PDGFD: variants seen among roughly 807,000 people sequenced by gnomAD.
PDGFD encodes the protein platelet-derived growth factor D.
Under a neutral mutation model 44.7 loss-of-function variants are expected in PDGFD, and 30 were observed. The observed-to-expected ratio is 0.67, with a 90% CI of 0.50 to 0.91. The LOEUF is 0.91. PDGFD is among the 40% of genes least tolerant of loss of function. The pLI, the probability that PDGFD is intolerant of heterozygous loss-of-function variation, is 0.00. For missense variants in PDGFD, 445 were observed against 457.8 expected, an observed-to-expected ratio of 0.97 and a Z score of 0.25; for synonymous variants, 173 against 168.4, an observed-to-expected ratio of 1.03 and a Z score of -0.21.
At chr11:104,095,427 A>G (rs1052166239) in intron 1 of PDGFD, among the ~76,000 whole-genome samples, 4 of 152,080 alleles carry the variant, frequency 2.6e-5, no homozygotes, top group African/African-American at 9.7e-5. Context: ...TCTCAACCCT[A>G]ATCTGGGTTC....
chr11:103,970,598 G>C (rs1222267954), intron 3 of PDGFD, among the ~76,000 whole-genome samples: 3 of 152,060 alleles, frequency 2.0e-5, no homozygotes, highest in Non-Finnish European at 4.4e-5. Context: ...TTAAGAGGCT[G>C]GGAAAATGAC....
In PDGFD at chr11:104,038,550, G is replaced by A. The variant is rs181656594; in HGVS notation, c.125-38295C>T. ...AACTAATACTTATACATGTCTGTTT[G>A]GGGCAGCATAAAGACCAATTTCCTC... On this transcript the variant is annotated intron_variant, in intron 1 of 6. Transcript: ENST00000393158. 3.7e-3 allele frequency: 625 copies of A among 168,030 alleles called. 4 individuals carry two copies. The highest frequency in any genetic ancestry group is 6.3e-3 in the Non-Finnish European group (436 of 68,792). 10.4% of individuals were successfully genotyped at this position (168,030 alleles called of 1,614,324 possible). A position where few individuals can be genotyped will look rare whatever the true frequency, so the allele number is the denominator to read the frequency against.
intron 1 of PDGFD, 82 bp downstream of exon 1, chr11:104,163,722 G>GA (rs1352697677): frequency 4.9e-6 from 7 of 1,424,828 alleles, no homozygotes; most frequent in Non-Finnish European, 6.5e-6. Context: ...GATTCAAAAA[G>GA]AAAGGGGAAA....
intron 1 of PDGFD, among the ~76,000 whole-genome samples, chr11:104,118,589 G>A (rs557978437): frequency 6.6e-6 from 1 of 150,418 alleles, no homozygotes; most frequent in South Asian, 2.1e-4. Context: ...AGTGAGAGGG[G>A]ACATCCTTGC....
At chr11:104,037,673 G>A (rs756071429) in intron 1 of PDGFD, 4 of 1,614,026 alleles carry the variant, frequency 2.5e-6, no homozygotes, top group African/African-American at 2.7e-5. Context: ...CTGGTGGACC[G>A]ACGGTGGGCT....
At chr11:103,925,146 A>G (rs1293417515) in intron 6 of PDGFD, among the ~76,000 whole-genome samples, 1 of 152,148 alleles carries the variant, frequency 6.6e-6, no homozygotes, top group East Asian at 1.9e-4. Flanking sequence ...ATCCTTTTTT[A>G]AGGCTGCAAA....
chr11:104,002,191 T>C (rs1859630142), intron 1 of PDGFD, among the ~76,000 whole-genome samples: 1 of 152,178 alleles, frequency 6.6e-6, no homozygotes, highest in Admixed American at 6.5e-5. Context: ...AAAGATCAGC[T>C]GCGAAAACTG....
At chr11:104,021,163 G>A (rs1859945109) in intron 1 of PDGFD, among the ~76,000 whole-genome samples, 1 of 152,154 alleles carries the variant, frequency 6.6e-6, no homozygotes, top group Non-Finnish European at 1.5e-5. Flanking sequence ...CATCTGAGCT[G>A]CAGTGGTCTA....
chr11:103,988,953 C>T (rs775412075), intron 3 of PDGFD, among the ~76,000 whole-genome samples: 3 of 152,206 alleles, frequency 2.0e-5, no homozygotes, highest in Non-Finnish European at 4.4e-5. Context: ...GTATTAAATA[C>T]TTCACATACA....
intron 1 of PDGFD, among the ~76,000 whole-genome samples, chr11:104,069,208 A>G (rs1860838685): frequency 6.6e-6 from 1 of 152,156 alleles, no homozygotes; most frequent in South Asian, 2.1e-4. Context: ...GCACAGGTCA[A>G]TTATTTTCTA....
intron 1 of PDGFD, among the ~76,000 whole-genome samples, chr11:104,064,284 A>C (rs1456577451): frequency 6.6e-6 from 1 of 152,228 alleles, no homozygotes; most frequent in Non-Finnish European, 1.5e-5. Flanking sequence ...TGTGATATAT[A>C]CATCGACTGG....
At chr11:104,032,644 A>AT (rs985119769) in intron 1 of PDGFD, among the ~76,000 whole-genome samples, 15 of 148,418 alleles carry the variant, frequency 1.0e-4, no homozygotes, top group Non-Finnish European at 2.1e-4. Context: ...AGTTATGTGG[A>AT]TTTTTTTCTT....
At chr11:104,002,366 C>T (rs566053789) in intron 1 of PDGFD, among the ~76,000 whole-genome samples, 2 of 152,200 alleles carry the variant, frequency 1.3e-5, no homozygotes, top group Admixed American at 1.3e-4. Flanking sequence ...ATGCTGTTCT[C>T]GTGATAATGA....
At chr11:104,075,849 C>T (rs947508993) in intron 1 of PDGFD, among the ~76,000 whole-genome samples, 7 of 152,108 alleles carry the variant, frequency 4.6e-5, no homozygotes, top group Non-Finnish European at 7.4e-5. Flanking sequence ...ATATAAGTAG[C>T]GCTGAACACC....
chr11:104,006,117 T>C (rs1859697734), intron 1 of PDGFD, among the ~76,000 whole-genome samples: 1 of 152,168 alleles, frequency 6.6e-6, no homozygotes, highest in Non-Finnish European at 1.5e-5. Flanking sequence ...CTATTACTTA[T>C]CCCTGAAATC....
intron 1 of PDGFD, among the ~76,000 whole-genome samples, chr11:104,014,999 G>C (rs780840938): frequency 1.3e-5 from 2 of 152,108 alleles, no homozygotes; most frequent in Non-Finnish European, 2.9e-5. Context: ...ATCCCACTAG[G>C]CAGAATGGTC....
At chr11:104,037,654 A>T in intron 1 of PDGFD, 1 of 1,614,178 alleles carries the variant, frequency 6.2e-7, no homozygotes, top group South Asian at 1.1e-5. Context: ...GCGATGTAAC[A>T]TCATGAGGCT....
intron 1 of PDGFD, among the ~76,000 whole-genome samples, chr11:104,011,540 G>GT (rs1240357397): frequency 1.3e-5 from 2 of 152,040 alleles, no homozygotes; most frequent in African/African-American, 4.8e-5. Flanking sequence ...ACTGTTAAAT[G>GT]TAACTGTCCA....
At chr11:104,024,840 A>G (rs2134384921) in intron 1 of PDGFD, among the ~76,000 whole-genome samples, 1 of 152,346 alleles carries the variant, frequency 6.6e-6, no homozygotes, top group Middle Eastern at 3.4e-3. Context: ...GTAAGTGTCA[A>G]ATCTGTATAA....
Sources: gnomAD v4.1 joint callset for allele counts (sites outside exome capture counted in the v4.1 genomes callset) on GRCh38, gnomAD v4.1.1 for gene constraint, MANE v1.5 for transcripts, NCBI Gene and HGNC (gene_info 2026-07-23, HGNC 2026-07-21) for gene names.